Variants in CNOT4 observed in about 807,000 individuals in gnomAD.
CNOT4 encodes CCR4-associated factor 4.
In CNOT4, 8 loss-of-function variants were observed where a neutral mutation model predicts 73.8. That is an observed-to-expected ratio of 0.11 (90% CI 0.06 to 0.20). The LOEUF is 0.20. Ranked by LOEUF, CNOT4 falls within the 10% of genes least tolerant of loss-of-function variation. The pLI, the probability that CNOT4 is intolerant of heterozygous loss-of-function variation, is 1.00. For missense variants in CNOT4, 564 were observed against 883.4 expected, an observed-to-expected ratio of 0.64 and a Z score of 4.58; for synonymous variants, 293 against 321.1, an observed-to-expected ratio of 0.91 and a Z score of 0.94.
At chr7:135,444,683 G>C in intron 1 of CNOT4, 1 of 1,187,344 alleles carries the variant, frequency 8.4e-7, no homozygotes, top group Non-Finnish European at 1.3e-6. Flanking sequence ...TTTTGCTCCT[G>C]GGTCTGCTTC....
chr7:135,480,445 C>A (rs369941619), intron 1 of CNOT4, among the ~76,000 whole-genome samples: 3 of 152,330 alleles, frequency 2.0e-5, no homozygotes, highest in African/African-American at 7.2e-5. Flanking sequence ...ACCATAATTT[C>A]TCTCATCTAC....
intron 3 of CNOT4, among the ~76,000 whole-genome samples, chr7:135,416,224 A>G (rs1444722376): frequency 6.6e-6 from 1 of 152,190 alleles, no homozygotes; most frequent in East Asian, 1.9e-4. Flanking sequence ...CATATTTGAT[A>G]ATATTCTTAC....
intron 1 of CNOT4, among the ~76,000 whole-genome samples, chr7:135,495,438 G>C (rs1024491266): frequency 6.7e-6 from 1 of 150,046 alleles, no homozygotes; most frequent in South Asian, 2.1e-4. Flanking sequence ...CCGGGAGGCG[G>C]AGGCTGCAGT....
At chr7:135,424,174 C>T (rs927914892) in intron 2 of CNOT4, among the ~76,000 whole-genome samples, 1 of 151,628 alleles carries the variant, frequency 6.6e-6, no homozygotes, top group East Asian at 1.9e-4. Flanking sequence ...AAGTTCAGTT[C>T]CTCAATCAAT....
At chr7:135,468,194 C>G (rs1048587532) in intron 1 of CNOT4, among the ~76,000 whole-genome samples, 1 of 150,690 alleles carries the variant, frequency 6.6e-6, no homozygotes, top group South Asian at 2.1e-4. Flanking sequence ...CCAGCCTGGG[C>G]GACAGAGCGA....
chr7:135,474,864 A>G (rs554100990), intron 1 of CNOT4, among the ~76,000 whole-genome samples: 2 of 152,188 alleles, frequency 1.3e-5, no homozygotes, highest in African/African-American at 4.8e-5. Flanking sequence ...AATTGCCTCA[A>G]TCTTTTTGAA....
intron 1 of CNOT4, among the ~76,000 whole-genome samples, chr7:135,453,273 C>A (rs1800289369): frequency 6.6e-6 from 1 of 152,092 alleles, no homozygotes; most frequent in Admixed American, 6.6e-5. Context: ...AAGACCCAGT[C>A]TTAGCCAGTG....
chr7:135,437,705 TTC>T (rs1205309171), intron 2 of CNOT4, among the ~76,000 whole-genome samples: 1 of 152,186 alleles, frequency 6.6e-6, no homozygotes, highest in Non-Finnish European at 1.5e-5. Flanking sequence ...GAACGAGGAT[TTC>T]TCTGTCATTT....
At position 135,362,258 on chromosome 7, in the gene CNOT4, G is replaced by A. The variant is rs1585532241; in HGVS notation, c.*627C>T. ...CCTCCTTATGAACTCTTTAGCAATC[G>A]GCCAGTTACTACTACAGATGAATTT... On this transcript the variant is annotated 3_prime_UTR_variant, in exon 12 of 12. Transcript: ENST00000541284. The A allele has an allele frequency of 1.3e-5, 2 of 153,748 alleles. No individual in the cohort carries two copies. The highest frequency in any genetic ancestry group is 1.3e-4 in the Admixed American group (2 of 15,608). The allele number at this position is 153,748 out of a possible 1,614,324, so 9.5% of individuals were successfully genotyped here.
intron 1 of CNOT4, among the ~76,000 whole-genome samples, chr7:135,491,836 T>C (rs1052750531): frequency 1.3e-5 from 2 of 152,176 alleles, no homozygotes; most frequent in African/African-American, 4.8e-5. Context: ...AGTAAATCTA[T>C]AGGAGTTACA....
intron 8 of CNOT4, among the ~76,000 whole-genome samples, chr7:135,396,965 T>C (rs2129483500): frequency 6.6e-6 from 1 of 152,230 alleles, no homozygotes; most frequent in East Asian, 1.9e-4. Context: ...TTACTATTTG[T>C]TTCATGGTTT....
intron 1 of CNOT4, among the ~76,000 whole-genome samples, chr7:135,503,680 G>A (rs906742658): frequency 6.6e-6 from 1 of 152,044 alleles, no homozygotes; most frequent in Non-Finnish European, 1.5e-5. Flanking sequence ...GAAGACATAG[G>A]TCCCTACTGA....
chr7:135,388,962 T>C, intron 10 of CNOT4: 1 of 1,486,992 alleles, frequency 6.7e-7, no homozygotes, highest in Non-Finnish European at 9.2e-7. Flanking sequence ...TTAAAAATGA[T>C]TTCAATATTT....
intron 1 of CNOT4, among the ~76,000 whole-genome samples, chr7:135,472,866 C>A (rs1198880444): frequency 6.6e-6 from 1 of 151,528 alleles, no homozygotes; most frequent in Non-Finnish European, 1.5e-5. Flanking sequence ...ACAGGGAGAC[C>A]CTGTCTCTAT....
At chr7:135,506,912 AC>A (rs1804413209) in intron 1 of CNOT4, among the ~76,000 whole-genome samples, 1 of 152,138 alleles carries the variant, frequency 6.6e-6, no homozygotes, top group Admixed American at 6.5e-5. Context: ...ATACAAAACA[AC>A]AAAAAGATAA....
chr7:135,469,822 G>A (rs1464737182), intron 1 of CNOT4, among the ~76,000 whole-genome samples: 3 of 137,736 alleles, frequency 2.2e-5, no homozygotes, highest in African/African-American at 3.6e-5. Context: ...GGGTTTTTTT[G>A]TTTGTTTGTT....
chr7:135,424,055 ACAC>A (rs1457557634), intron 2 of CNOT4, among the ~76,000 whole-genome samples: 1 of 67,526 alleles, frequency 1.5e-5, no homozygotes. Context: ...ACACACACAC[ACAC>A]ACACACACAC....
rs1454233919 is a variant in CNOT4, at chr7:135,364,177, T to C, written c.1628-111A>G. On this transcript the variant is annotated intron_variant, in intron 10 of 11. Transcript: ENST00000541284. This position sits in a 1 kb window ranked among gnomAD's most constrained non-coding sequence, Gnocchi z 4.3. ...CGGGAGAAGAATTATTCTTTCTTTATTGAGCATTTAAAATGGGTTGTCCTA... is the reference window on the plus strand; with the variant it reads ...CGGGAGAAGAATTATTCTTTCTTTACTGAGCATTTAAAATGGGTTGTCCTA... The C allele has an allele frequency of 4.6e-6, 4 of 868,578 alleles. No homozygotes were observed. The highest frequency in any genetic ancestry group is 5.0e-5 in the East Asian group (2 of 39,918). 53.8% of individuals were successfully genotyped at this position (868,578 alleles called of 1,614,324 possible).
intron 7 of CNOT4, among the ~76,000 whole-genome samples, chr7:135,410,298 A>T (rs1585601632): frequency 6.6e-6 from 1 of 152,190 alleles, no homozygotes; most frequent in Non-Finnish European, 1.5e-5. Flanking sequence ...CAAAAGGTGA[A>T]CCCATCAAAA....
Sources: gnomAD v4.1 joint callset for allele counts (sites outside exome capture counted in the v4.1 genomes callset) on GRCh38, gnomAD v4.1.1 for gene constraint, Gnocchi (gnomAD v3.1) non-coding constraint, MANE v1.5 for transcripts, NCBI Gene and HGNC (gene_info 2026-07-23, HGNC 2026-07-21) for gene names.